EML5: variants seen among roughly 807,000 people sequenced by gnomAD.
The protein encoded by EML5 is echinoderm microtubule-associated protein-like 5.
Under a neutral mutation model 250.0 loss-of-function variants are expected in EML5, and 120 were observed. The observed-to-expected ratio is 0.48, with a 90% CI of 0.41 to 0.56. The LOEUF (loss-of-function observed/expected upper bound fraction) is 0.56. Among genes scored for constraint, EML5 ranks in the 20% least tolerant of loss-of-function variants. The pLI is 0.00. For missense variants in EML5, 2,006 were observed against 2,437.6 expected (o/e 0.82, Z 3.73); for synonymous variants, 771 against 806.5 (o/e 0.96, Z 0.75).
chr14:88,789,473 T>C (rs1056897630), intron 1 of EML5, among the ~76,000 whole-genome samples: 1 of 152,004 alleles, frequency 6.6e-6, no homozygotes, highest in African/African-American at 2.4e-5. Context: ...AAATGTCATG[T>C]GGCACCACCA....
chr14:88,666,063 C>T (rs1171913546), intron 21 of EML5, among the ~76,000 whole-genome samples: 1 of 151,936 alleles, frequency 6.6e-6, no homozygotes, highest in African/African-American at 2.4e-5. Context: ...ACAACAAAAG[C>T]AAGTATGGAT....
intron 8 of EML5, among the ~76,000 whole-genome samples, chr14:88,722,755 T>C (rs1201722966): frequency 6.6e-6 from 1 of 152,068 alleles, no homozygotes; most frequent in Non-Finnish European, 1.5e-5. Context: ...ATTGCCAAGG[T>C]CTGATTTTTC....
At chr14:88,635,767 G>C (rs887639819) in intron 32 of EML5, among the ~76,000 whole-genome samples, 20 of 152,224 alleles carry the variant, frequency 1.3e-4, no homozygotes, top group African/African-American at 4.6e-4. Context: ...TTCATATACT[G>C]AAACCCTAAT....
intron 1 of EML5, among the ~76,000 whole-genome samples, chr14:88,757,838 CTT>C (rs1287915420): frequency 2.0e-5 from 3 of 150,434 alleles, no homozygotes; most frequent in East Asian, 3.9e-4. Context: ...CTTTCTCTCT[CTT>C]TCTCTCCTTT....
intron 35 of EML5, 117 bp downstream of exon 35, chr14:88,626,721 G>T (rs17798544): frequency 1.0e-6 from 1 of 984,102 alleles, no homozygotes; most frequent in Non-Finnish European, 1.5e-6. Flanking sequence ...CTTGACCAGG[G>T]CATGTAATGA....
At chr14:88,685,358 A>C (rs1025260697) in intron 19 of EML5, among the ~76,000 whole-genome samples, 1 of 152,190 alleles carries the variant, frequency 6.6e-6, no homozygotes, top group African/African-American at 2.4e-5. Context: ...CTATGATTCT[A>C]TTCTCACATT....
At chr14:88,617,542 G>C (rs918274002) in intron 41 of EML5, 4 of 152,560 alleles carry the variant, frequency 2.6e-5, no homozygotes, top group South Asian at 2.1e-4. Flanking sequence ...GCTGAGGCAG[G>C]AGGACTGCTT....
At chr14:88,657,952 A>G (rs2091932892) in intron 26 of EML5, among the ~76,000 whole-genome samples, 1 of 152,188 alleles carries the variant, frequency 6.6e-6, no homozygotes, top group Non-Finnish European at 1.5e-5. Flanking sequence ...TTACCTTAAC[A>G]GTACTTATTT....
intron 34 of EML5, 107 bp downstream of exon 34, chr14:88,627,539 T>G (rs892061440): frequency 7.7e-6 from 9 of 1,168,582 alleles, no homozygotes; most frequent in Non-Finnish European, 9.4e-6. Context: ...AGGCCTCCAC[T>G]GAATGATTGT....
chr14:88,709,796 T>C (rs530566063), intron 10 of EML5, among the ~76,000 whole-genome samples: 5 of 152,252 alleles, frequency 3.3e-5, no homozygotes, highest in East Asian at 1.9e-4. Flanking sequence ...AATGCATGAA[T>C]TGCAGCATAT....
chr14:88,747,126 A>C (rs2094015400), intron 2 of EML5, among the ~76,000 whole-genome samples: 1 of 152,094 alleles, frequency 6.6e-6, no homozygotes, highest in Non-Finnish European at 1.5e-5. Flanking sequence ...AAACAAAAAA[A>C]AAAGGGTCAG....
rs978358895 is a variant in EML5, at chr14:88,614,422, A to C, written c.*1396T>G. On this transcript the variant is annotated 3_prime_UTR_variant, in exon 44 of 44. Coordinates refer to ENST00000554922, the MANE Select transcript of EML5 (RefSeq NM_183387.3). ...TCACTGGTTATGCTTTCTGTGATGT[A>C]ATTTAGTCATTTCTATTTTTAGTAT... 2.0e-5 allele frequency: 3 copies of C among 152,236 alleles called. No individual in the cohort carries two copies. The highest frequency in any genetic ancestry group is 7.2e-5 in the African/African-American group (3 of 41,464). 9.4% of individuals were successfully genotyped at this position (152,236 alleles called of 1,614,324 possible).
At chr14:88,729,566 T>G (rs926793554) in intron 7 of EML5, among the ~76,000 whole-genome samples, 16 of 145,728 alleles carry the variant, frequency 1.1e-4, no homozygotes, top group African/African-American at 3.5e-4. Flanking sequence ...TGGTTTTTTG[T>G]TTTTTGTTTT....
In EML5 at chr14:88,616,161, C is replaced by T; in HGVS notation, c.5878G>A (p.Ala1960Thr). 6.2e-7 allele frequency: 1 copy of T among 1,613,902 alleles called. No individual in the cohort carries two copies. The highest frequency in any genetic ancestry group is 1.1e-5 in the South Asian group (1 of 91,076). The change falls in exon 43 of 44, where the codon GCT becomes ACT. Residue 1960 changes from alanine to threonine, a missense_variant. By Grantham distance (58) the Ala-to-Thr change is moderately conservative. Transcript: ENST00000554922. ...FTSGDRHVVS[A>T]GGDDCSLFVW... ...ACTAACCTGCAGTCATCACCTCCAG[C>T]ACTAACAACATGTCGATCACCACTG...
chr14:88,662,006 T>C (rs1035128483), intron 24 of EML5, among the ~76,000 whole-genome samples, 176 bp from the exon 25 acceptor site: 2 of 152,194 alleles, frequency 1.3e-5, no homozygotes, highest in Non-Finnish European at 2.9e-5. Context: ...AGCCTACTAA[T>C]TGCTGCAGAA....
At chr14:88,643,126 G>C in intron 30 of EML5, 104 bp from the exon 31 acceptor site, 1 of 1,108,430 alleles carries the variant, frequency 9.0e-7, no homozygotes, top group Non-Finnish European at 1.2e-6. Context: ...TCAAAATGGA[G>C]TATGCATTTT....
intron 1 of EML5, among the ~76,000 whole-genome samples, chr14:88,786,479 G>T (rs1276848517): frequency 6.6e-6 from 1 of 152,180 alleles, no homozygotes; most frequent in Non-Finnish European, 1.5e-5. Flanking sequence ...GAAAGAACAA[G>T]TAAACCAAGA....
At chr14:88,650,205 CACT>C (rs2091552836) in intron 27 of EML5, among the ~76,000 whole-genome samples, 1 of 152,126 alleles carries the variant, frequency 6.6e-6, no homozygotes, top group Non-Finnish European at 1.5e-5. Flanking sequence ...GTAATCCCAG[CACT>C]TCGGGAGGCT....
At position 88,665,445 on chromosome 14, in the gene EML5, C is replaced by G. The variant is rs779543531; in HGVS notation, c.3169G>C (p.Val1057Leu). 1.2e-6 allele frequency: 2 copies of G among 1,613,982 alleles called. No individual in the cohort carries two copies. ...CFSPDGKALAVGLNDGSFLMA... is the reference protein window; with the variant it reads ...CFSPDGKALALGLNDGSFLMA... Reference sequence around the variant, plus strand: ...AAGAAGCTTCCATCGTTGAGACCTACGGCTAAAGCTTTACCATCAGGAGAA... The same window carrying G: ...AAGAAGCTTCCATCGTTGAGACCTAGGGCTAAAGCTTTACCATCAGGAGAA... The change falls in exon 22 of 44, where the codon GTA becomes CTA. Residue 1057 changes from valine (V) to leucine (L), a missense_variant. Physicochemically the swap from Val to Leu is conservative, Grantham distance 32. Transcript: ENST00000554922.
Sources: gnomAD v4.1 joint callset for allele counts (sites outside exome capture counted in the v4.1 genomes callset) on GRCh38, gnomAD v4.1.1 for gene constraint, MANE v1.5 for transcripts, NCBI Gene and HGNC (gene_info 2026-07-23, HGNC 2026-07-21) for gene names.